The following HHIPL1 variants were observed in gnomAD, a reference collection of about 807,000 sequenced individuals.
HHIPL1 encodes HHIP-like protein 1.
In HHIPL1, 43 loss-of-function variants were observed where a neutral mutation model predicts 61.8. That is an observed-to-expected ratio of 0.70 (90% CI 0.55 to 0.90). HHIPL1 has a LOEUF of 0.90. Among genes scored for constraint, HHIPL1 ranks in the 40% least tolerant of loss-of-function variants. The probability of loss-of-function intolerance (pLI) is 0.00; values close to 1 mark genes in which losing one functional copy is unlikely to be tolerated. For synonymous variants in HHIPL1, 482 were observed against 515.8 expected (o/e 0.93, Z 0.89); for missense variants, 1,056 against 1,157.7 (o/e 0.91, Z 1.28).
the HHIPL1 span, among the ~76,000 whole-genome samples, chr14:99,609,103 G>C: frequency 6.6e-6 from 1 of 152,196 alleles, no homozygotes; most frequent in East Asian, 1.9e-4. Flanking sequence ...TTGTGACCAA[G>C]CCTCAGTGGC....
chr14:99,607,074 C>T, the HHIPL1 span, among the ~76,000 whole-genome samples: 20 of 118,800 alleles, frequency 1.7e-4, no homozygotes, highest in African/African-American at 5.7e-4. Flanking sequence ...CACTCTGTCT[C>T]CCAGGCTGGA....
chr14:99,658,054 A>T (rs980067794), intron 3 of HHIPL1, among the ~76,000 whole-genome samples: 1 of 152,208 alleles, frequency 6.6e-6, no homozygotes, highest in African/African-American at 2.4e-5. Flanking sequence ...CCAAAATGGT[A>T]AAACCTTCCT....
In HHIPL1 at chr14:99,652,335, CG is replaced by C. The variant is rs1566807480; in HGVS notation, c.372del (p.Leu125CysfsTer51). 3 of 1,614,146 alleles carry C rather than the reference CG, an allele frequency of 1.9e-6. No individual in the cohort carries two copies. Among genetic ancestry groups the C allele is most frequent in the Non-Finnish European group, 1.7e-6 (2 of 1,180,042 alleles). ...DYCLDMWHKC[R>X]GLFRHLSTDQ... ...CTGCCTGGACATGTGGCATAAGTGC[CG>C]GGGGCTGTTCCGTCACCTGTCAACT... On this transcript the variant is annotated frameshift_variant, in exon 2 of 9. Transcript: ENST00000330710. LOFTEE classifies it high-confidence loss of function.
chr14:99,642,549 G>C (rs567850979), upstream of HHIPL1, among the ~76,000 whole-genome samples: 443 of 150,354 alleles, frequency 2.9e-3, 2 homozygotes, highest in African/African-American at 0.01. Context: ...TTTCTGAGAC[G>C]GAGTCTCGCT....
chr14:99,630,151 C>G, the HHIPL1 span, among the ~76,000 whole-genome samples: 1 of 152,210 alleles, frequency 6.6e-6, no homozygotes, highest in Non-Finnish European at 1.5e-5. Context: ...CAGTCAGTGG[C>G]TATGGATTCA....
chr14:99,678,525 T>C lies in HHIPL1; in HGVS notation c.*2899T>C, dbSNP rs1368438473. 3 of 152,260 alleles carry C rather than the reference T, an allele frequency of 2.0e-5. No homozygotes were observed. The highest frequency in any genetic ancestry group is 7.2e-5 in the African/African-American group (3 of 41,458). 9.4% of individuals were successfully genotyped at this position (152,260 alleles called of 1,614,324 possible). A position where few individuals can be genotyped will look rare whatever the true frequency, so the allele number is the denominator to read the frequency against. On this transcript the variant is annotated 3_prime_UTR_variant, in exon 9 of 9. Transcript: ENST00000330710. ...AGTTTGTCCCTGCTACTGTGTCCTA[T>C]GTCCATTGGCAGAAGCCAGACCGCA...
the HHIPL1 span, among the ~76,000 whole-genome samples, chr14:99,636,209 C>T: frequency 4.0e-5 from 6 of 151,672 alleles, no homozygotes; most frequent in South Asian, 6.2e-4. Flanking sequence ...ATGGAGGCTT[C>T]GGAATACTTG....
At chr14:99,622,887 C>T in the HHIPL1 span, among the ~76,000 whole-genome samples, 3 of 152,252 alleles carry the variant, frequency 2.0e-5, no homozygotes, top group African/African-American at 2.4e-5. Flanking sequence ...ATAAAGCACT[C>T]AGCATGCTGT....
At chr14:99,666,319 T>C (rs2056244385) in intron 6 of HHIPL1, among the ~76,000 whole-genome samples, 1 of 152,182 alleles carries the variant, frequency 6.6e-6, no homozygotes, top group South Asian at 2.1e-4. Context: ...AGGCCTTCAT[T>C]TTGGAGCATT....
chr14:99,631,413 T>G, the HHIPL1 span, among the ~76,000 whole-genome samples: 1 of 151,938 alleles, frequency 6.6e-6, no homozygotes, highest in South Asian at 2.1e-4. Flanking sequence ...GGTACTGGAG[T>G]TAGGGCTTCC....
chr14:99,645,478 G>T lies in HHIPL1; in HGVS notation c.255+16G>T. 3 of 1,269,384 alleles carry T rather than the reference G, an allele frequency of 2.4e-6. No individual in the cohort carries two copies. Among genetic ancestry groups the T allele is most frequent in the South Asian group, 2.9e-5 (1 of 34,948 alleles). 78.6% of individuals were successfully genotyped at this position (1,269,384 alleles called of 1,614,324 possible). On this transcript the variant is annotated intron_variant, in intron 1 of 8. Coordinates refer to ENST00000330710, the MANE Select transcript of HHIPL1 (RefSeq NM_001127258.3). ...GCTGTGCCAGGTGAGCGGGCGCGCGGCCACCGGGCGGGGCGGGGCGCGGGA... is the reference window on the plus strand; with the variant it reads ...GCTGTGCCAGGTGAGCGGGCGCGCGTCCACCGGGCGGGGCGGGGCGCGGGA...
At chr14:99,655,634 A>G (rs1257260242) in intron 2 of HHIPL1, among the ~76,000 whole-genome samples, 1 of 152,136 alleles carries the variant, frequency 6.6e-6, no homozygotes, top group Non-Finnish European at 1.5e-5. Context: ...AAAAAGAAAG[A>G]AAGAAAAAGA....
intron 7 of HHIPL1, among the ~76,000 whole-genome samples, chr14:99,672,097 C>T (rs1055242638): frequency 2.0e-5 from 3 of 152,218 alleles, no homozygotes; most frequent in Admixed American, 6.5e-5. Context: ...AGAGGCTGAG[C>T]GTGCAGCCGG....
At chr14:99,631,126 C>CT in the HHIPL1 span, among the ~76,000 whole-genome samples, 936 of 132,236 alleles carry the variant, frequency 7.1e-3, 13 homozygotes, top group African/African-American at 0.023. Flanking sequence ...TTCTTTCTTT[C>CT]TTTTTTTTTT....
chr14:99,656,863 G>A (rs562472725), intron 2 of HHIPL1, 137 bp from the exon 3 acceptor site: 8,113 of 23,328 alleles, frequency 0.35, 2,085 homozygotes, highest in South Asian at 0.44. Flanking sequence ...AAGGAAGGAA[G>A]GAAGGAAGGA....
chr14:99,636,035 T>G, the HHIPL1 span, among the ~76,000 whole-genome samples: 1 of 151,620 alleles, frequency 6.6e-6, no homozygotes, highest in East Asian at 1.9e-4. Context: ...TCAGGAAGAG[T>G]CTCTGCCTCT....
the HHIPL1 span, among the ~76,000 whole-genome samples, chr14:99,615,942 C>G: frequency 6.6e-6 from 1 of 152,222 alleles, no homozygotes; most frequent in East Asian, 1.9e-4. Context: ...AAAAACCAAG[C>G]AAGTCAAAAC....
chr14:99,656,806 AG>A lies in HHIPL1; in HGVS notation c.903-193del, dbSNP rs1359410166. 6.3e-3 allele frequency among the ~76,000 whole-genome samples: 15 copies of A among 2,398 alleles called. 2 individuals are homozygous for A. In the South Asian group the frequency reaches 0.25, roughly 40 times the overall value. The allele number at this position is 2,398 out of a possible 152,430, so 1.6% of individuals were successfully genotyped here. ...GAAAAGAAAAGAAAGAAAGAAAGAA[AG>A]AAAGAAAGAAAGAAAGAAAGAAAGA... On this transcript the variant is annotated intron_variant, in intron 2 of 8. Coordinates refer to ENST00000330710, the MANE Select transcript of HHIPL1 (RefSeq NM_001127258.3).
chr14:99,621,709 CTTTTTT>C, the HHIPL1 span, among the ~76,000 whole-genome samples: 2,950 of 84,534 alleles, frequency 0.035, 284 homozygotes, highest in East Asian at 0.33. Flanking sequence ...CTTTTCTTTT[CTTTTTT>C]TTTTTTTTTT....
Sources: gnomAD v4.1 joint callset for allele counts (sites outside exome capture counted in the v4.1 genomes callset) on GRCh38, gnomAD v4.1.1 for gene constraint, MANE v1.5 for transcripts, NCBI Gene and HGNC (gene_info 2026-07-23, HGNC 2026-07-21) for gene names.